Variants in NLRP9 observed in about 807,000 individuals in gnomAD.
NLRP9 encodes NACHT, LRR and PYD domains-containing protein 9.
In NLRP9, 88 loss-of-function variants were observed where a neutral mutation model predicts 83.1. The observed-to-expected ratio is 1.06, with a 90% CI of 0.89 to 1.26. The LOEUF is 1.26. Ranked by LOEUF, NLRP9 falls within the 50% of genes most tolerant of loss-of-function variation. NLRP9 has a pLI of 0.00. For synonymous variants in NLRP9, 521 were observed against 447.6 expected (o/e 1.16, Z -2.07); for missense variants, 1,308 against 1,179.3 (o/e 1.11, Z -1.60).
In NLRP9 at chr19:55,738,332, G is replaced by A. The variant is rs765171265; in HGVS notation, c.43C>T (p.Leu15=). The part of the protein sequence containing the change: ...FFSDFGLLWY[L]KELRKEEFWK... ...AACTCTTCCTTTCTGAGCTCCTTCAGATACCACAACAAGCCAAAATCCGAA... is the reference window on the plus strand; with the variant it reads ...AACTCTTCCTTTCTGAGCTCCTTCAAATACCACAACAAGCCAAAATCCGAA... The change falls in exon 1 of 9, where the codon CTG becomes TTG. Residue 15 remains leucine (L), a synonymous_variant. Coordinates refer to ENST00000332836, the MANE Select transcript of NLRP9 (RefSeq NM_176820.4). 1 of 1,613,906 alleles carries A rather than the reference G, an allele frequency of 6.2e-7. No homozygotes were observed. The highest frequency in any genetic ancestry group is 8.5e-7 in the Non-Finnish European group (1 of 1,179,982).
At chr19:55,736,863 A>C (rs920102368) in intron 1 of NLRP9, among the ~76,000 whole-genome samples, 18 of 145,398 alleles carry the variant, frequency 1.2e-4, no homozygotes, top group South Asian at 6.8e-4. Flanking sequence ...AAAAAAAAAA[A>C]CAAAAAACTA....
intron 4 of NLRP9, among the ~76,000 whole-genome samples, chr19:55,721,355 AG>A (rs762962708): frequency 7.9e-5 from 12 of 152,206 alleles, no homozygotes; most frequent in Non-Finnish European, 1.8e-4. Flanking sequence ...GTTTGTCATA[AG>A]GGTTTCCAGA....
chr19:55,729,402 C>T (rs1388025636), intron 3 of NLRP9, among the ~76,000 whole-genome samples: 1 of 152,002 alleles, frequency 6.6e-6, no homozygotes, highest in Non-Finnish European at 1.5e-5. Context: ...CACCCCACAA[C>T]AGGCTGCGGT....
At chr19:55,712,240 C>G (rs533309114) in intron 7 of NLRP9, among the ~76,000 whole-genome samples, 180 bp downstream of exon 7, 107 of 152,276 alleles carry the variant, frequency 7.0e-4, no homozygotes, top group Non-Finnish European at 5.1e-4. Context: ...AAATAACTCT[C>G]CAGTTTCAAA....
At chr19:55,736,783 G>A (rs557188165) in intron 1 of NLRP9, among the ~76,000 whole-genome samples, 2 of 151,752 alleles carry the variant, frequency 1.3e-5, no homozygotes, top group South Asian at 2.1e-4. Context: ...GCAGTGAACC[G>A]AGATCATGTC....
In NLRP9 at chr19:55,733,529, T is replaced by C. The variant is rs1988673346; in HGVS notation, c.302A>G (p.Lys101Arg). 1 of 1,593,628 alleles carries C rather than the reference T, an allele frequency of 6.3e-7. No homozygotes were observed. The highest frequency in any genetic ancestry group is 8.6e-7 in the Non-Finnish European group (1 of 1,168,758). ...GAGTTGAAATGTTTCCTTCATATGC[T>C]TTCTGTATGGGTTTAGCTTATCTGT... ...EMRNKLNPYR[K>R]HMKETFQLIW... Residue 101 changes from lysine to arginine, a missense_variant, in exon 2 of 9, where the codon AAG becomes AGG. Coordinates refer to ENST00000332836, the MANE Select transcript of NLRP9 (RefSeq NM_176820.4).
At position 55,732,523 on chromosome 19, in the gene NLRP9, C is replaced by T; in HGVS notation, c.1308G>A (p.Arg436=). ...VMWVGMRLLQ[R]RGDCFAFMHL... is the part of the protein sequence containing the mutation. ...GCATGAAGGCAAAACAGTCCCCTCT[C>T]CTTTGGAGGAGTCTCATACCCACCC... Residue 436 remains arginine, a synonymous_variant, in exon 2 of 9, where the codon AGG becomes AGA. Coordinates refer to ENST00000332836, the MANE Select transcript of NLRP9 (RefSeq NM_176820.4). The T allele has an allele frequency of 6.2e-7, 1 of 1,614,220 alleles. No homozygotes were observed. The highest frequency in any genetic ancestry group is 8.5e-7 in the Non-Finnish European group (1 of 1,180,038).
rs199475849 is a variant in NLRP9 at position 55,732,613 on chromosome 19, A to T, written c.1218T>A (p.Tyr406Ter). ...CALAAEGIWT[Y>*]TFVFSHGDLR... Reference sequence around the variant, plus strand: ...GATCCCCATGGGAAAATACAAATGTATATGTCCAAATTCCCTCTGCAGCCA... The same window carrying T: ...GATCCCCATGGGAAAATACAAATGTTTATGTCCAAATTCCCTCTGCAGCCA... Residue 406 changes from tyrosine (Y) to a stop codon, truncating the protein, a stop_gained, in exon 2 of 9, where the codon TAT becomes TAA. Transcript: ENST00000332836. LOFTEE classifies it high-confidence loss of function. 3.1e-6 allele frequency: 5 copies of T among 1,614,218 alleles called. No homozygotes were observed. The highest frequency in any genetic ancestry group is 4.2e-6 in the Non-Finnish European group (5 of 1,180,036).
At chr19:55,731,906 G>T in intron 2 of NLRP9, 93 bp downstream of exon 2, 1 of 770,362 alleles carries the variant, frequency 1.3e-6, no homozygotes, top group Non-Finnish European at 2.1e-6. Context: ...ATGCTTTTAA[G>T]CACAGTGGCA....
At chr19:55,730,057 G>T (rs770874915) in intron 2 of NLRP9, 65 bp from the exon 3 acceptor site, 148 of 1,443,126 alleles carry the variant, frequency 1.0e-4, no homozygotes, top group Non-Finnish European at 1.3e-4. Flanking sequence ...TCTCAAAACA[G>T]GTCGAACACC....
chr19:55,729,596 T>C (rs1019891078), intron 3 of NLRP9, among the ~76,000 whole-genome samples: 4 of 152,208 alleles, frequency 2.6e-5, no homozygotes, highest in Non-Finnish European at 4.4e-5. Context: ...TAGTATTCCA[T>C]GGTGTATATG....
In NLRP9 at chr19:55,732,590, T is replaced by G; in HGVS notation, c.1241A>C (p.Asp414Ala). ...CTCAGATAACCCATTCCTCCGGAGATCCCCATGGGAAAATACAAATGTATA... is the reference window on the plus strand; with the variant it reads ...CTCAGATAACCCATTCCTCCGGAGAGCCCCATGGGAAAATACAAATGTATA... ...WTYTFVFSHG[D>A]LRRNGLSESE... Residue 414 changes from aspartate to alanine, a missense_variant, in exon 2 of 9, where the codon GAT (aspartate) becomes GCT (alanine). Coordinates refer to ENST00000332836, the MANE Select transcript of NLRP9 (RefSeq NM_176820.4). 1 of 1,614,084 alleles carries G rather than the reference T, an allele frequency of 6.2e-7. No individual in the cohort carries two copies. Among genetic ancestry groups the G allele is most frequent in the Non-Finnish European group, 8.5e-7 (1 of 1,180,022 alleles).
At chr19:55,729,695 T>C in intron 3 of NLRP9, 136 bp downstream of exon 3, 1 of 667,866 alleles carries the variant, frequency 1.5e-6, no homozygotes, top group South Asian at 2.0e-5. Context: ...GCAATAAACA[T>C]ACATGTACAT....
At chr19:55,731,034 C>T (rs1988554562) in intron 2 of NLRP9, among the ~76,000 whole-genome samples, 1 of 152,154 alleles carries the variant, frequency 6.6e-6, no homozygotes, top group Non-Finnish European at 1.5e-5. Context: ...CAACCTTATT[C>T]TGCTTCATTT....
chr19:55,734,385 AAAAAAAAAATT>A (rs1290842872), intron 1 of NLRP9, among the ~76,000 whole-genome samples: 32 of 148,340 alleles, frequency 2.2e-4, no homozygotes, highest in African/African-American at 7.5e-4. Context: ...AAAAAAAAAA[AAAAAAAAAATT>A]ACTATATCAA....
intron 4 of NLRP9, 136 bp downstream of exon 4, chr19:55,723,844 G>C (rs772373930): frequency 3.6e-5 from 24 of 664,004 alleles, no homozygotes; most frequent in Non-Finnish European, 5.5e-5. Flanking sequence ...CCTTATGAGA[G>C]AGACAGATTC....
At chr19:55,715,581 G>A (rs555160741) in intron 5 of NLRP9, among the ~76,000 whole-genome samples, 3 of 152,300 alleles carry the variant, frequency 2.0e-5, no homozygotes, top group East Asian at 3.9e-4. Context: ...CTACTCGGGA[G>A]GCTGAGGCAG....
chr19:55,731,396 GA>G (rs1034106544), intron 2 of NLRP9, among the ~76,000 whole-genome samples: 18 of 151,532 alleles, frequency 1.2e-4, no homozygotes, highest in African/African-American at 4.4e-4. Context: ...AAGAAAGAGA[GA>G]AAAAAAGAGG....
chr19:55,733,297 C>A lies in NLRP9; in HGVS notation c.534G>T (p.Arg178Ser), dbSNP rs1181785869. Residue 178 changes from arginine (R) to serine (S), a missense_variant, in exon 2 of 9, where the codon AGG becomes AGT. Physicochemically the swap from Arg to Ser is moderately radical, Grantham distance 110 (BLOSUM62 -1). Coordinates refer to ENST00000332836, the MANE Select transcript of NLRP9 (RefSeq NM_176820.4). ...CATTGAGGAAAAACACAAATGTGAA[C>A]CTGTCCTTCCATAAGTTTCCCTCTG... ...DWAEGNLWKD[R>S]FTFVFFLNVC... is the part of the protein sequence containing the mutation. The A allele has an allele frequency of 1.9e-6, 3 of 1,613,874 alleles. No homozygotes were observed. In the Admixed American group the frequency reaches 5.0e-5, roughly 27 times the overall value.
Sources: gnomAD v4.1 joint callset for allele counts (sites outside exome capture counted in the v4.1 genomes callset) on GRCh38, gnomAD v4.1.1 for gene constraint, MANE v1.5 for transcripts, NCBI Gene and HGNC (gene_info 2026-07-23, HGNC 2026-07-21) for gene names.